Variants in SPATS2L observed in about 807,000 individuals in gnomAD.
SPATS2L encodes the protein SPATS2-like protein.
In SPATS2L, 30 loss-of-function variants were observed where a neutral mutation model predicts 59.6. That is an observed-to-expected ratio of 0.50 (90% CI 0.38 to 0.68). The LOEUF is 0.68. Among genes scored for constraint, SPATS2L ranks in the 30% least tolerant of loss-of-function variants. The probability of loss-of-function intolerance (pLI) is 0.00; values close to 1 mark genes in which losing one functional copy is unlikely to be tolerated. For synonymous variants in SPATS2L, 252 were observed against 263.5 expected, an observed-to-expected ratio of 0.96 and a Z score of 0.42; for missense variants, 615 against 700.0, an observed-to-expected ratio of 0.88 and a Z score of 1.37.
At chr2:200,449,693 T>C (rs2085308681) in intron 8 of SPATS2L, among the ~76,000 whole-genome samples, 1 of 152,228 alleles carries the variant, frequency 6.6e-6, no homozygotes, top group Non-Finnish European at 1.5e-5. Context: ...ATATATGCAA[T>C]ATAGTCTATT....
intron 8 of SPATS2L, among the ~76,000 whole-genome samples, chr2:200,446,876 C>T (rs925432169): frequency 1.3e-5 from 2 of 152,172 alleles, no homozygotes; most frequent in Admixed American, 6.5e-5. Flanking sequence ...GTGCCTGAAA[C>T]GTAAACCCTC....
Position 200,459,776 on chromosome 2 carries a change from G to A in SPATS2L, c.796G>A (p.Asp266Asn). 1 of 1,612,126 alleles carries A rather than the reference G, an allele frequency of 6.2e-7. No homozygotes were observed. The highest frequency in any genetic ancestry group is 8.5e-7 in the Non-Finnish European group (1 of 1,178,908). Residue 266 changes from aspartate (D) to asparagine (N), a missense_variant, in exon 9 of 13, where the codon GAC (aspartate) becomes AAC (asparagine). Transcript: ENST00000409140. ...GTTTTTGTTTTTCCCCAGCATCATTGACAAAGAAGTTTCATTAATGGCAGA... is the reference window on the plus strand; with the variant it reads ...GTTTTTGTTTTTCCCCAGCATCATTAACAAAGAAGTTTCATTAATGGCAGA... ...AFAELHNCII[D>N]KEVSLMAEMD...
chr2:200,440,869 AT>A, intron 8 of SPATS2L, 85 bp downstream of exon 8: 1 of 1,466,166 alleles, frequency 6.8e-7, no homozygotes, highest in Non-Finnish European at 9.3e-7. Flanking sequence ...AACGTTGTTT[AT>A]TTAATACATA....
rs748769319 is a variant in SPATS2L at position 200,440,665 on chromosome 2, A to G, written c.669A>G (p.Lys223=). 1 of 1,612,808 alleles carries G rather than the reference A, an allele frequency of 6.2e-7. No individual in the cohort carries two copies. The highest frequency in any genetic ancestry group is 8.5e-7 in the Non-Finnish European group (1 of 1,179,272). ...LAKKRGPNIE[K]SVKDLQRCTV... ...CAATTTTAGGCCCAAATATTGAGAA[A>G]TCAGTGAAGGATTTGCAACGCTGCA... is the stretch of plus-strand genomic sequence containing the variant. Residue 223 remains lysine (K), a synonymous_variant, in exon 8 of 13, where the codon AAA becomes AAG. Coordinates refer to ENST00000409140, the MANE Select transcript of SPATS2L (RefSeq NM_001100423.2).
intron 6 of SPATS2L, among the ~76,000 whole-genome samples, chr2:200,421,624 T>C (rs991015401): frequency 3.3e-5 from 5 of 152,242 alleles, no homozygotes; most frequent in Admixed American, 2.0e-4. Flanking sequence ...CTGAAACTCA[T>C]GTCATCCTTA....
intron 1 of SPATS2L, among the ~76,000 whole-genome samples, chr2:200,323,160 A>G (rs1367114222): frequency 3.3e-5 from 5 of 152,186 alleles, no homozygotes; most frequent in Non-Finnish European, 7.3e-5. Context: ...AGAATTAGCT[A>G]TGGGATCTGC....
At chr2:200,451,766 A>C (rs1001473637) in intron 8 of SPATS2L, among the ~76,000 whole-genome samples, 4 of 151,154 alleles carry the variant, frequency 2.6e-5, no homozygotes, top group Admixed American at 2.0e-4. Flanking sequence ...CCTGTTATTT[A>C]TGTTCAGCAA....
intron 1 of SPATS2L, among the ~76,000 whole-genome samples, chr2:200,328,099 A>C (rs1378208299): frequency 6.6e-6 from 1 of 152,122 alleles, no homozygotes; most frequent in Non-Finnish European, 1.5e-5. Flanking sequence ...TCTGCTTAGC[A>C]TGACACCCTA....
intron 3 of SPATS2L, among the ~76,000 whole-genome samples, chr2:200,402,084 C>G (rs1411735598): frequency 6.6e-6 from 1 of 152,202 alleles, no homozygotes; most frequent in African/African-American, 2.4e-5. Flanking sequence ...ATTGCTTCCT[C>G]CCAAGAAATT....
chr2:200,448,223 C>T (rs2085189220), intron 8 of SPATS2L, among the ~76,000 whole-genome samples: 1 of 152,160 alleles, frequency 6.6e-6, no homozygotes, highest in Non-Finnish European at 1.5e-5. Flanking sequence ...GGGTAGATCA[C>T]TTGAGGTCAG....
chr2:200,419,575 G>C, intron 6 of SPATS2L, 79 bp downstream of exon 6: 1 of 1,509,176 alleles, frequency 6.6e-7, no homozygotes, highest in Non-Finnish European at 9.0e-7. Flanking sequence ...GGCTGCTGTT[G>C]ATGTTGTTGA....
At chr2:200,395,915 G>A (rs1186032103) in intron 3 of SPATS2L, among the ~76,000 whole-genome samples, 1 of 148,318 alleles carries the variant, frequency 6.7e-6, no homozygotes, top group Non-Finnish European at 1.5e-5. Context: ...GGAGGCTGAG[G>A]CAGGAGAATC....
chr2:200,323,752 T>C lies in SPATS2L; in HGVS notation c.-72-5679T>C, dbSNP rs182205305. 4.3e-4 allele frequency among the ~76,000 whole-genome samples: 66 copies of C among 152,346 alleles called. 1 individual carries two copies. The highest frequency in any genetic ancestry group is 3.1e-3 in the East Asian group (16 of 5,190). ...ATAGGCATTTAGATCTATTATGTTGTTCTAAGATAGAAACAAAACTGGTAT... is the reference window on the plus strand; with the variant it reads ...ATAGGCATTTAGATCTATTATGTTGCTCTAAGATAGAAACAAAACTGGTAT... On this transcript the variant is annotated intron_variant, in intron 1 of 12. Coordinates refer to ENST00000409140, the MANE Select transcript of SPATS2L (RefSeq NM_001100423.2).
chr2:200,392,605 C>A (rs2082205883), intron 3 of SPATS2L, among the ~76,000 whole-genome samples: 1 of 152,128 alleles, frequency 6.6e-6, no homozygotes, highest in South Asian at 2.1e-4. Flanking sequence ...GTACTCAGTA[C>A]ACTCCTGATA....
chr2:200,467,679 G>T (rs1416724334), intron 10 of SPATS2L, among the ~76,000 whole-genome samples: 2 of 152,216 alleles, frequency 1.3e-5, no homozygotes, highest in Admixed American at 6.5e-5. Context: ...GCCAGGCCAT[G>T]AATTATAGCT....
At position 200,458,764 on chromosome 2, in the gene SPATS2L, G is replaced by C. The variant is rs72924113; in HGVS notation, c.789-1005G>C. Among the ~76,000 whole-genome samples the C allele has an allele frequency of 1.1e-4, 16 of 151,922 alleles. No homozygotes were observed. The South Asian group carries it at 3.3e-3, about 32-fold the overall frequency. ...AAAAAAAGATTTATGGGACAGTTGGGGAAATTTGAATACTAAGTAGATATC... is the reference window on the plus strand; with the variant it reads ...AAAAAAAGATTTATGGGACAGTTGGCGAAATTTGAATACTAAGTAGATATC... On this transcript the variant is annotated intron_variant, in intron 8 of 12. Transcript: ENST00000409140.
chr2:200,459,837 C>A lies in SPATS2L; in HGVS notation c.847+10C>A, dbSNP rs777477202. On this transcript the variant is annotated intron_variant, in intron 9 of 12. Coordinates refer to ENST00000409140, the MANE Select transcript of SPATS2L (RefSeq NM_001100423.2). ...GTTAAAGAAGAAGCCAGTAAGTAGA[C>A]AACACATGGTTATTTGATTAGGAGC... The A allele has an allele frequency of 8.8e-6, 14 of 1,596,744 alleles. No homozygotes were observed. Among genetic ancestry groups the A allele is most frequent in the Middle Eastern group, 1.7e-4 (1 of 6,044 alleles).
chr2:200,438,861 G>T (rs1054628570), intron 6 of SPATS2L, among the ~76,000 whole-genome samples: 1 of 152,090 alleles, frequency 6.6e-6, no homozygotes, highest in Non-Finnish European at 1.5e-5. Flanking sequence ...GGAAACTAGG[G>T]CTCAGAGATG....
At chr2:200,451,562 C>T (rs2085444974) in intron 8 of SPATS2L, among the ~76,000 whole-genome samples, 1 of 152,138 alleles carries the variant, frequency 6.6e-6, no homozygotes, top group South Asian at 2.1e-4. Flanking sequence ...TTACCATGGG[C>T]AATAACAACA....
Sources: allele counts gnomAD v4.1 joint callset (sites outside exome capture counted in the v4.1 genomes callset), GRCh38; gene constraint gnomAD v4.1.1; transcripts MANE v1.5; gene names NCBI Gene and HGNC (gene_info 2026-07-23, HGNC 2026-07-21).